GPM6A: variants seen among roughly 807,000 people sequenced by gnomAD.
GPM6A encodes the protein neuronal membrane glycoprotein M6-a.
Under a neutral mutation model 32.1 loss-of-function variants are expected in GPM6A, and 7 were observed. That is an observed-to-expected ratio of 0.22 (90% confidence interval 0.12 to 0.41). The LOEUF is 0.41. Ranked by LOEUF, GPM6A falls within the 10% of genes least tolerant of loss-of-function variation. The pLI is 1.00. For synonymous variants in GPM6A, 130 were observed against 123.4 expected (o/e 1.05, Z -0.35); for missense variants, 235 against 347.2 (o/e 0.68, Z 2.57).
At chr4:175,652,846 C>T (rs2110922484) in intron 3 of GPM6A, among the ~76,000 whole-genome samples, 1 of 152,124 alleles carries the variant, frequency 6.6e-6, no homozygotes, top group South Asian at 2.1e-4. Context: ...CCCCTGGATG[C>T]CAAAATCTAC....
intron 1 of GPM6A, among the ~76,000 whole-genome samples, chr4:175,750,993 G>A (rs10011322): frequency 0.77 from 117,220 of 152,024 alleles, 45,577 homozygotes; most frequent in Non-Finnish European, 0.82. Flanking sequence ...AAGTATATGT[G>A]TTGCCTTCTC....
chr4:175,842,395 G>A (rs897076148), intron 1 of GPM6A, among the ~76,000 whole-genome samples: 1 of 152,078 alleles, frequency 6.6e-6, no homozygotes, highest in African/African-American at 2.4e-5. Context: ...TTTAACAAGT[G>A]AGGTATTTGA....
intron 1 of GPM6A, among the ~76,000 whole-genome samples, chr4:175,937,203 T>G (rs1739268801): frequency 6.6e-6 from 1 of 151,070 alleles, no homozygotes; most frequent in South Asian, 2.1e-4. Flanking sequence ...GAAGTCTACT[T>G]ACTCTATGGA....
At chr4:175,838,676 A>G (rs1463386155) in intron 1 of GPM6A, among the ~76,000 whole-genome samples, 2 of 88,554 alleles carry the variant, frequency 2.3e-5, no homozygotes, top group South Asian at 3.8e-4. Flanking sequence ...TTTTTTTGAG[A>G]CAGGGTCTTG....
intron 1 of GPM6A, among the ~76,000 whole-genome samples, chr4:175,810,539 C>A (rs373028736): frequency 6.6e-6 from 1 of 150,976 alleles, no homozygotes; most frequent in African/African-American, 2.5e-5. Flanking sequence ...GAGAAAAAAA[C>A]ATCACAACTA....
At chr4:175,888,997 G>A (rs73010162) in intron 1 of GPM6A, among the ~76,000 whole-genome samples, 5,225 of 152,174 alleles carry the variant, frequency 0.034, 269 homozygotes, top group African/African-American at 0.12. Context: ...GATCCCTGTA[G>A]TTATAAGAAC....
At chr4:175,913,670 G>A (rs1370430613) in intron 1 of GPM6A, among the ~76,000 whole-genome samples, 1 of 152,064 alleles carries the variant, frequency 6.6e-6, no homozygotes, top group African/African-American at 2.4e-5. Flanking sequence ...ATTCTTGCAC[G>A]AGCTGTTGTA....
chr4:175,962,082 G>A, intron 1 of GPM6A: 1 of 737,126 alleles, frequency 1.4e-6, no homozygotes, highest in Non-Finnish European at 2.5e-6. Context: ...TCTGGTTAAA[G>A]TCTTTGGCCC....
chr4:175,801,192 A>C (rs573629057), intron 1 of GPM6A, among the ~76,000 whole-genome samples: 1 of 152,244 alleles, frequency 6.6e-6, no homozygotes, highest in East Asian at 1.9e-4. Context: ...GATTTTGGAG[A>C]ATGCTGGGTA....
intron 1 of GPM6A, among the ~76,000 whole-genome samples, chr4:175,998,710 G>C (rs1741385827): frequency 6.6e-6 from 1 of 152,152 alleles, no homozygotes; most frequent in Admixed American, 6.5e-5. Context: ...GCTTAGACAT[G>C]TATCATATTC....
intron 1 of GPM6A, among the ~76,000 whole-genome samples, chr4:175,902,589 G>C (rs532017090): frequency 6.6e-6 from 1 of 152,184 alleles, no homozygotes; most frequent in African/African-American, 2.4e-5. Flanking sequence ...AAAAGATTTG[G>C]GTGGGGTGGC....
At chr4:175,929,816 T>C (rs1738969147) in intron 1 of GPM6A, among the ~76,000 whole-genome samples, 1 of 152,124 alleles carries the variant, frequency 6.6e-6, no homozygotes, top group South Asian at 2.1e-4. Context: ...TAAAGCATAA[T>C]GTGATAAGCC....
intron 1 of GPM6A, among the ~76,000 whole-genome samples, chr4:175,765,652 C>T (rs557731810): frequency 6.6e-6 from 1 of 151,990 alleles, no homozygotes; most frequent in Non-Finnish European, 1.5e-5. Flanking sequence ...ATTTTTATAC[C>T]CATATGTCAC....
At chr4:175,934,979 A>C (rs1341205936) in intron 1 of GPM6A, among the ~76,000 whole-genome samples, 3 of 152,242 alleles carry the variant, frequency 2.0e-5, no homozygotes, top group African/African-American at 7.2e-5. Flanking sequence ...ACAACCAAGC[A>C]CAGAATTCGA....
intron 1 of GPM6A, among the ~76,000 whole-genome samples, chr4:175,990,095 C>A (rs1328195903): frequency 1.3e-5 from 2 of 152,186 alleles, no homozygotes; most frequent in Non-Finnish European, 2.9e-5. Context: ...ATTGTGAATA[C>A]TTTTCATTTG....
At chr4:175,939,210 A>T (rs1739332751) in intron 1 of GPM6A, among the ~76,000 whole-genome samples, 1 of 152,184 alleles carries the variant, frequency 6.6e-6, no homozygotes, top group African/African-American at 2.4e-5. Context: ...AAGACCCAGT[A>T]TTGTTCCAGC....
chr4:175,961,906 TA>T (rs1740176557), intron 1 of GPM6A, among the ~76,000 whole-genome samples: 2 of 152,036 alleles, frequency 1.3e-5, no homozygotes, highest in Admixed American at 6.5e-5. Flanking sequence ...ACAGGCTCAG[TA>T]AAAAACTGAG....
At chr4:175,714,348 C>T (rs1745719055) in intron 1 of GPM6A, among the ~76,000 whole-genome samples, 1 of 152,116 alleles carries the variant, frequency 6.6e-6, no homozygotes, top group South Asian at 2.1e-4. Flanking sequence ...AGTTCCAAGG[C>T]ATCAGAAACA....
intron 1 of GPM6A, among the ~76,000 whole-genome samples, chr4:175,927,563 C>T (rs1319954502): frequency 6.6e-6 from 1 of 152,212 alleles, no homozygotes; most frequent in Admixed American, 6.5e-5. Context: ...ATAGTTAGCT[C>T]TACTTAATAG....
Sources: allele counts gnomAD v4.1 joint callset (sites outside exome capture counted in the v4.1 genomes callset), GRCh38; gene constraint gnomAD v4.1.1; transcripts MANE v1.5; gene names NCBI Gene and HGNC (gene_info 2026-07-23, HGNC 2026-07-21).